Variants in PRDM16 observed in about 807,000 individuals in gnomAD.
PRDM16 encodes histone-lysine N-methyltransferase PRDM16.
In PRDM16, 23 loss-of-function variants were observed where a neutral mutation model predicts 110.6. The ratio of observed to expected loss-of-function variants is 0.21; its 90% CI spans 0.15 to 0.29. The LOEUF (loss-of-function observed/expected upper bound fraction) is 0.29, where lower values mean the gene tolerates loss of function less well. Ranked by LOEUF, PRDM16 falls within the 10% of genes least tolerant of loss-of-function variation. PRDM16 has a pLI of 1.00. For synonymous variants in PRDM16, 799 were observed against 781.8 expected (o/e 1.02, Z -0.37); for missense variants, 1,615 against 1,794.3 (o/e 0.90, Z 1.81).
chr1:3,203,251 C>T (rs1638674674), intron 2 of PRDM16, among the ~76,000 whole-genome samples: 2 of 151,440 alleles, frequency 1.3e-5, no homozygotes, highest in Non-Finnish European at 1.5e-5. Context: ...GAGATGGTTG[C>T]GTCCCACGCC....
At chr1:3,296,374 C>G (rs963455182) in intron 3 of PRDM16, among the ~76,000 whole-genome samples, 2 of 152,234 alleles carry the variant, frequency 1.3e-5, no homozygotes, top group South Asian at 4.1e-4. Flanking sequence ...CCCGTCCATT[C>G]TCCTGCAAAC....
At chr1:3,264,423 C>A (rs575572264) in intron 3 of PRDM16, among the ~76,000 whole-genome samples, 2 of 146,448 alleles carry the variant, frequency 1.4e-5, no homozygotes, top group Non-Finnish European at 3.0e-5. Context: ...ATCCGAGGAC[C>A]CTAGGCCAGG....
chr1:3,181,886 GCA>G (rs1230176895), intron 1 of PRDM16, among the ~76,000 whole-genome samples: 3,738 of 84,660 alleles, frequency 0.044, 135 homozygotes, highest in Admixed American at 0.076. Flanking sequence ...TCTTGCACAC[GCA>G]GTCTTACACA....
intron 6 of PRDM16, among the ~76,000 whole-genome samples, chr1:3,403,476 C>A (rs1050832071): frequency 3.3e-5 from 5 of 152,202 alleles, no homozygotes; most frequent in African/African-American, 1.2e-4. Context: ...CGAGCAGCTC[C>A]TTCTCAGATG....
intron 1 of PRDM16, among the ~76,000 whole-genome samples, chr1:3,092,514 G>A (rs189882170): frequency 1.8e-4 from 27 of 152,324 alleles, no homozygotes; most frequent in South Asian, 6.2e-4. Context: ...TTTTATTTCC[G>A]TGGCAAAATG....
At chr1:3,259,669 G>A (rs775058891) in intron 3 of PRDM16, among the ~76,000 whole-genome samples, 1 of 152,204 alleles carries the variant, frequency 6.6e-6, no homozygotes, top group African/African-American at 2.4e-5. Context: ...GTTTTGCAGC[G>A]TAGCCTGCAG....
chr1:3,198,251 G>C (rs577379867), intron 2 of PRDM16, among the ~76,000 whole-genome samples: 72 of 152,312 alleles, frequency 4.7e-4, no homozygotes, highest in Admixed American at 3.0e-3. Flanking sequence ...GTCGGCGCAG[G>C]GCAGCGTCTC....
intron 3 of PRDM16, among the ~76,000 whole-genome samples, chr1:3,264,204 T>C (rs1357913876): frequency 1.3e-5 from 2 of 152,176 alleles, no homozygotes; most frequent in African/African-American, 4.8e-5. Context: ...AATGGGGCGC[T>C]GTGTGACCTG....
At position 3,411,380 on chromosome 1, in the gene PRDM16, T is replaced by A; in HGVS notation, c.1187-4T>A. On this transcript the variant is annotated splice_region_variant and splice_polypyrimidine_tract_variant and intron_variant, in intron 8 of 16. Coordinates refer to ENST00000270722, the MANE Select transcript of PRDM16 (RefSeq NM_022114.4). ...GTTTGTCTTGGCTTCTGCTGATGTTTTAGGTGAGGTCTGCCACAAGTCCTA... is the reference window on the plus strand; with the variant it reads ...GTTTGTCTTGGCTTCTGCTGATGTTATAGGTGAGGTCTGCCACAAGTCCTA... 6.3e-7 allele frequency: 1 copy of A among 1,596,788 alleles called. No individual in the cohort carries two copies. The highest frequency in any genetic ancestry group is 1.1e-5 in the South Asian group (1 of 90,588).
Position 3,244,218 on chromosome 1 carries a change from C to T in PRDM16, c.438+81C>T. The T allele has an allele frequency of 7.7e-7, 1 of 1,297,472 alleles. No homozygotes were observed. The highest frequency in any genetic ancestry group is 1.2e-5 in the South Asian group (1 of 84,378). The allele number at this position is 1,297,472 out of a possible 1,614,324, so 80.4% of individuals were successfully genotyped here. On this transcript the variant is annotated intron_variant, in intron 3 of 16. Coordinates refer to ENST00000270722, the MANE Select transcript of PRDM16 (RefSeq NM_022114.4). The surrounding 1 kb of genome is among the most constrained non-coding windows in gnomAD (Gnocchi z 4.1). ...CGGGGCGACCGCCATCCCAGCTGTC[C>T]CTGAGCTAACAAGCGTGTAGTCGGA...
At chr1:3,194,129 A>T (rs889040977) in intron 2 of PRDM16, among the ~76,000 whole-genome samples, 4 of 152,232 alleles carry the variant, frequency 2.6e-5, no homozygotes, top group Non-Finnish European at 4.4e-5. Flanking sequence ...GGCAAGGGAC[A>T]GGTGGGAGGG....
At chr1:3,433,648 CTG>C (rs894311915) in intron 16 of PRDM16, 27 bp from the exon 17 acceptor site, 2 of 1,601,184 alleles carry the variant, frequency 1.2e-6, no homozygotes, top group South Asian at 1.1e-5. Flanking sequence ...CCTGCCTGTC[CTG>C]TGTGTGTGTC....
intron 3 of PRDM16, among the ~76,000 whole-genome samples, chr1:3,380,026 ACCATG>A (rs1643074528): frequency 7.0e-5 from 4 of 56,988 alleles, no homozygotes; most frequent in African/African-American, 2.3e-4. Flanking sequence ...GCAATCCCTC[ACCATG>A]CACCCCTCCC....
At chr1:3,085,455 C>T (rs929186475) in intron 1 of PRDM16, among the ~76,000 whole-genome samples, 2 of 152,212 alleles carry the variant, frequency 1.3e-5, no homozygotes, top group Non-Finnish European at 2.9e-5. Context: ...CCCATTCTGG[C>T]AGCATCTGCT....
chr1:3,115,522 C>T (rs970241285), intron 1 of PRDM16, among the ~76,000 whole-genome samples: 6 of 152,228 alleles, frequency 3.9e-5, no homozygotes, highest in Non-Finnish European at 5.9e-5. Context: ...GCCAGCCTAG[C>T]GAGTGGCGTT....
Position 3,069,320 on chromosome 1 carries a change from G to A in PRDM16, c.37+24G>A. The A allele has an allele frequency of 2.4e-6, 3 of 1,274,266 alleles. No individual in the cohort carries two copies. The highest frequency in any genetic ancestry group is 3.0e-6 in the Non-Finnish European group (3 of 985,320). 78.9% of individuals were successfully genotyped at this position (1,274,266 alleles called of 1,614,324 possible). On this transcript the variant is annotated intron_variant, in intron 1 of 16. Transcript: ENST00000270722. The surrounding 1 kb of genome is among the most constrained non-coding windows in gnomAD (Gnocchi z 6.1). ...AAGTAAGTCTCCCGCGCTCGGCCGCGCCGCGCCGCCGGGGCCCGGGCCGCC... is the reference window on the plus strand; with the variant it reads ...AAGTAAGTCTCCCGCGCTCGGCCGCACCGCGCCGCCGGGGCCCGGGCCGCC...
intron 1 of PRDM16, among the ~76,000 whole-genome samples, chr1:3,099,508 G>C (rs1001214530): frequency 8.5e-5 from 13 of 152,218 alleles, no homozygotes; most frequent in Non-Finnish European, 1.5e-4. Flanking sequence ...GGGGGGCAAG[G>C]GTCCTGGCAT....
Position 3,166,350 on chromosome 1 carries a change from G to A in PRDM16, c.38-19775G>A, listed in dbSNP as rs552431933. 5.3e-5 allele frequency among the ~76,000 whole-genome samples: 8 copies of A among 152,374 alleles called. No individual in the cohort carries two copies. The South Asian group carries it at 1.7e-3, about 32-fold the overall frequency. On this transcript the variant is annotated intron_variant, in intron 1 of 16. Coordinates refer to ENST00000270722, the MANE Select transcript of PRDM16 (RefSeq NM_022114.4). ...GTCCCTGCCAGGTGCCACAGGCCAG[G>A]CGTCTGACCGTGGGGAACCCTCGGA... is the stretch of plus-strand genomic sequence containing the variant.
At chr1:3,227,394 G>T (rs1395135257) in intron 2 of PRDM16, among the ~76,000 whole-genome samples, 1 of 152,282 alleles carries the variant, frequency 6.6e-6, no homozygotes, top group Non-Finnish European at 1.5e-5. Flanking sequence ...GTTTTACTCA[G>T]TGACCCCGGG....
Sources: gnomAD v4.1 joint callset for allele counts (sites outside exome capture counted in the v4.1 genomes callset) on GRCh38, gnomAD v4.1.1 for gene constraint, Gnocchi (gnomAD v3.1) non-coding constraint, MANE v1.5 for transcripts, NCBI Gene and HGNC (gene_info 2026-07-23, HGNC 2026-07-21) for gene names.